STAC: variants seen among roughly 807,000 people sequenced by gnomAD.
STAC encodes SH3 and cysteine rich domain.
STAC carries 43 observed loss-of-function variants against 48.8 expected under a neutral mutation model. That is an observed-to-expected ratio of 0.88 (90% CI 0.69 to 1.14). The LOEUF (loss-of-function observed/expected upper bound fraction) is 1.14. Ranked by LOEUF, STAC falls within the 50% of genes most tolerant of loss-of-function variation. STAC has a pLI of 0.00. For synonymous variants in STAC, 193 were observed against 179.5 expected (o/e 1.07, Z -0.60); for missense variants, 497 against 504.0 (o/e 0.99, Z 0.13).
At chr3:36,459,686 A>G (rs1336019141) in intron 2 of STAC, among the ~76,000 whole-genome samples, 2 of 152,198 alleles carry the variant, frequency 1.3e-5, no homozygotes, top group Non-Finnish European at 2.9e-5. Flanking sequence ...CGGCCAGTTT[A>G]TTCTTTTATT....
intron 2 of STAC, among the ~76,000 whole-genome samples, chr3:36,465,463 A>G (rs1391348905): frequency 1.3e-5 from 2 of 152,134 alleles, no homozygotes; most frequent in Non-Finnish European, 2.9e-5. Context: ...TTTTAGTTTA[A>G]CTAAGTCCCA....
chr3:36,405,422 C>T (rs1408485889), intron 1 of STAC, among the ~76,000 whole-genome samples: 1 of 152,192 alleles, frequency 6.6e-6, no homozygotes, highest in Non-Finnish European at 1.5e-5. Context: ...CGAAGACACA[C>T]AGCTTCCTGC....
chr3:36,440,343 G>C (rs1696308700), intron 1 of STAC, among the ~76,000 whole-genome samples: 1 of 152,194 alleles, frequency 6.6e-6, no homozygotes, highest in Non-Finnish European at 1.5e-5. Flanking sequence ...TTTAGTTGAA[G>C]AGTGTGTGGG....
chr3:36,452,900 G>C (rs1696724002), intron 2 of STAC, among the ~76,000 whole-genome samples: 1 of 152,214 alleles, frequency 6.6e-6, no homozygotes, highest in Non-Finnish European at 1.5e-5. Flanking sequence ...CTCTTCAGTT[G>C]TAGGTGGGCA....
intron 6 of STAC, among the ~76,000 whole-genome samples, chr3:36,499,092 T>A (rs1698222038): frequency 6.6e-6 from 1 of 152,120 alleles, no homozygotes; most frequent in Non-Finnish European, 1.5e-5. Flanking sequence ...AATAATATAT[T>A]TTTCAGACAA....
Position 36,528,872 on chromosome 3 carries a change from T to C in STAC, c.997T>C (p.Phe333Leu). ...WKGKIQDRIGFFPANFVQRLQ... is the reference protein window; with the variant it reads ...WKGKIQDRIGLFPANFVQRLQ... The stretch of plus-strand genomic sequence containing the variant: ...GGGGAAAATTCAAGACAGAATTGGC[T>C]TCTTTCCAGCCAACTTTGTTCAGAG... The change falls in exon 10 of 11, where the codon TTC becomes CTC. Residue 333 changes from phenylalanine (F) to leucine (L), a missense_variant. Coordinates refer to ENST00000273183, the MANE Select transcript of STAC (RefSeq NM_003149.3). 1.2e-6 allele frequency: 2 copies of C among 1,613,692 alleles called. No homozygotes were observed. The highest frequency in any genetic ancestry group is 8.5e-7 in the Non-Finnish European group (1 of 1,179,774).
intron 1 of STAC, among the ~76,000 whole-genome samples, chr3:36,437,529 A>G (rs1159767324): frequency 6.6e-6 from 1 of 150,882 alleles, no homozygotes; most frequent in African/African-American, 2.4e-5. Flanking sequence ...CGCAAGGACA[A>G]AAAAACCAAA....
intron 1 of STAC, among the ~76,000 whole-genome samples, chr3:36,442,758 A>ACG (rs1696385469): frequency 3.6e-5 from 1 of 27,946 alleles, no homozygotes; most frequent in East Asian, 2.8e-4. Flanking sequence ...ACACACACAC[A>ACG]CACACACACA....
chr3:36,393,347 T>C (rs988907198), intron 1 of STAC, among the ~76,000 whole-genome samples: 1 of 152,112 alleles, frequency 6.6e-6, no homozygotes, highest in African/African-American at 2.4e-5. Flanking sequence ...CTAAAGCTCA[T>C]TTTCCACCTA....
intron 1 of STAC, among the ~76,000 whole-genome samples, chr3:36,398,344 AAAGAAAG>A (rs1699902989): frequency 7.1e-6 from 1 of 141,030 alleles, no homozygotes; most frequent in African/African-American, 2.7e-5. Context: ...AGAAAGAAAG[AAAGAAAG>A]AAAGAAAGAA....
chr3:36,398,320 C>CAAGAAAGAAAGAAAGAAAGAAAGA (rs71288102), intron 1 of STAC, among the ~76,000 whole-genome samples: 4 of 82,166 alleles, frequency 4.9e-5, no homozygotes, highest in African/African-American at 9.6e-5. Flanking sequence ...AGAAAGAAAG[C>CAAGAAAGAAAGAAAGAAAGAAAGA]AAGAAAGAAA....
At chr3:36,516,924 T>C (rs140102296) in intron 8 of STAC, among the ~76,000 whole-genome samples, 158 of 152,246 alleles carry the variant, frequency 1.0e-3, no homozygotes, top group Admixed American at 8.8e-3. Context: ...ACAACCTCAT[T>C]AACACCACCC....
At chr3:36,525,294 T>A (rs1238517520) in intron 8 of STAC, among the ~76,000 whole-genome samples, 1 of 152,174 alleles carries the variant, frequency 6.6e-6, no homozygotes, top group Middle Eastern at 3.2e-3. Context: ...GGTGGAGCTC[T>A]TTTTTAGGAA....
chr3:36,391,894 A>C (rs1227976759), intron 1 of STAC, among the ~76,000 whole-genome samples: 1 of 152,176 alleles, frequency 6.6e-6, no homozygotes, highest in Admixed American at 6.5e-5. Context: ...GGTCAGACAC[A>C]AAGAAAGGAA....
chr3:36,532,671 C>T (rs1299437238), intron 10 of STAC, among the ~76,000 whole-genome samples: 1 of 152,184 alleles, frequency 6.6e-6, no homozygotes, highest in Non-Finnish European at 1.5e-5. Context: ...TGGAAGACTG[C>T]ACTGACCACT....
chr3:36,458,422 AG>A (rs1696911014), intron 2 of STAC, among the ~76,000 whole-genome samples: 1 of 152,214 alleles, frequency 6.6e-6, no homozygotes, highest in African/African-American at 2.4e-5. Context: ...ATGAGAAGAC[AG>A]TGACAAGTAA....
chr3:36,411,949 A>G (rs892691167), intron 1 of STAC, among the ~76,000 whole-genome samples: 1 of 152,198 alleles, frequency 6.6e-6, no homozygotes, highest in Non-Finnish European at 1.5e-5. Flanking sequence ...AAATCTACAT[A>G]TGCCCATGGG....
chr3:36,463,156 G>T (rs991972972), intron 2 of STAC, among the ~76,000 whole-genome samples: 3 of 152,080 alleles, frequency 2.0e-5, no homozygotes, highest in African/African-American at 4.8e-5. Flanking sequence ...TTCATTTTTA[G>T]TGCAACTTAT....
intron 1 of STAC, among the ~76,000 whole-genome samples, chr3:36,388,420 C>T (rs1699669813): frequency 6.6e-6 from 1 of 151,756 alleles, no homozygotes; most frequent in Admixed American, 6.6e-5. Context: ...TAACATTTTC[C>T]CAGATTGAAA....
Sources: gnomAD v4.1 joint callset for allele counts (sites outside exome capture counted in the v4.1 genomes callset) on GRCh38, gnomAD v4.1.1 for gene constraint, MANE v1.5 for transcripts, NCBI Gene and HGNC (gene_info 2026-07-23, HGNC 2026-07-21) for gene names.